LRP5: variants seen among roughly 807,000 people sequenced by gnomAD.
LRP5 encodes LDL receptor related protein 5, also known as low-density lipoprotein receptor-related protein 5.
In LRP5, 62 loss-of-function variants were observed where a neutral mutation model predicts 154.1. That is an observed-to-expected ratio of 0.40 (90% CI 0.33 to 0.50). LRP5 has a LOEUF of 0.50. LRP5 is among the 20% of genes least tolerant of loss of function. LRP5 has a pLI of 0.55. For missense variants in LRP5, 1,915 were observed against 2,336.7 expected, an observed-to-expected ratio of 0.82 and a Z score of 3.72; for synonymous variants, 966 against 1,011.5, an observed-to-expected ratio of 0.96 and a Z score of 0.85.
intron 5 of LRP5, among the ~76,000 whole-genome samples, chr11:68,373,314 G>C (rs624947): frequency 6.6e-6 from 1 of 152,020 alleles, no homozygotes. Context: ...TGGTCACACC[G>C]GGACCCCAAG....
At chr11:68,426,259 G>T in intron 16 of LRP5, 72 bp downstream of exon 16, 1 of 1,347,918 alleles carries the variant, frequency 7.4e-7, no homozygotes, top group Non-Finnish European at 1.0e-6. Context: ...CTGGAGGCCA[G>T]TGCAAGATCC....
At chr11:68,362,537 A>G (rs1565346091) in intron 3 of LRP5, among the ~76,000 whole-genome samples, 1 of 152,126 alleles carries the variant, frequency 6.6e-6, no homozygotes, top group Middle Eastern at 3.4e-3. Flanking sequence ...GATACCCCCC[A>G]AAAATTAGCT....
rs762759902 is a variant in LRP5, at chr11:68,386,320, C to T, written c.1020C>T (p.Ala340=). 31 of 1,611,752 alleles carry T rather than the reference C, an allele frequency of 1.9e-5. No individual in the cohort carries two copies. Among genetic ancestry groups the T allele is most frequent in the South Asian group, 1.3e-4 (12 of 91,082 alleles). Residue 340 remains alanine (A), a synonymous_variant, in exon 6 of 23, where the codon GCC becomes GCT. Coordinates refer to ENST00000294304, the MANE Select transcript of LRP5 (RefSeq NM_002335.4). This position sits in a 1 kb window ranked among gnomAD's most constrained non-coding sequence, Gnocchi z 7.9. ...CCATTGCACCTGTCTCCACAGGAGC[C>T]GAGGAGGTGCTGCTGCTGGCCCGGC... ...QDNGRTCKAG[A]EEVLLLARRT... is the part of the protein sequence containing the mutation.
At chr11:68,349,114 C>A (rs1027908198) in intron 2 of LRP5, among the ~76,000 whole-genome samples, 1 of 149,314 alleles carries the variant, frequency 6.7e-6, no homozygotes, top group South Asian at 2.1e-4. Context: ...CTCACTGCAA[C>A]CTTCGCCTCC....
In LRP5 at chr11:68,312,743, GGCCGCTGCT is replaced by G; in HGVS notation, c.32_40del (p.Pro11_Leu13del). Reference sequence around the variant, plus strand: ...GAGGCAGCGCCGCCCGGGCCGCCGTGGCCGCTGCTGCTGCTGCTGCTGCTGCTGCTGGCG... The same window carrying G: ...GAGGCAGCGCCGCCCGGGCCGCCGTGGCTGCTGCTGCTGCTGCTGCTGGCG... On this transcript the variant is annotated inframe_deletion, in exon 1 of 23. Transcript: ENST00000294304. 1 of 1,060,524 alleles carries G rather than the reference GGCCGCTGCT, an allele frequency of 9.4e-7. No individual in the cohort carries two copies. The highest frequency in any genetic ancestry group is 1.8e-5 in the African/African-American group (1 of 55,700). 65.7% of individuals were successfully genotyped at this position (1,060,524 alleles called of 1,614,324 possible).
chr11:68,436,856 C>A, intron 18 of LRP5, 33 bp from the exon 19 acceptor site: 1 of 1,556,350 alleles, frequency 6.4e-7, no homozygotes, highest in Non-Finnish European at 8.9e-7. Flanking sequence ...GGGCACCCTC[C>A]AGCCTCTCTG....
chr11:68,321,233 C>T (rs1484955123), intron 1 of LRP5, among the ~76,000 whole-genome samples: 2 of 152,216 alleles, frequency 1.3e-5, no homozygotes, highest in Non-Finnish European at 2.9e-5. Flanking sequence ...CTTCACTGTG[C>T]TCCACTGCCT....
At chr11:68,366,710 C>T (rs1183371390) in intron 5 of LRP5, among the ~76,000 whole-genome samples, 3 of 152,232 alleles carry the variant, frequency 2.0e-5, no homozygotes, top group East Asian at 1.9e-4. Flanking sequence ...TCCGCTGTGC[C>T]GGCTGCTGCA....
At chr11:68,373,578 A>G (rs777019104) in intron 5 of LRP5, among the ~76,000 whole-genome samples, 1 of 152,072 alleles carries the variant, frequency 6.6e-6, no homozygotes, top group Non-Finnish European at 1.5e-5. Flanking sequence ...CAGTGGGACC[A>G]TGGCGGCTGC....
At chr11:68,338,867 GTTTTTTTTT>G (rs11382677) in intron 1 of LRP5, among the ~76,000 whole-genome samples, 6 of 91,940 alleles carry the variant, frequency 6.5e-5, no homozygotes, top group African/African-American at 1.9e-4. Flanking sequence ...CTTTTGTTTA[GTTTTTTTTT>G]TTTTTTTTTT....
At chr11:68,415,475 G>A (rs2098662029) in intron 12 of LRP5, among the ~76,000 whole-genome samples, 2 of 152,138 alleles carry the variant, frequency 1.3e-5, no homozygotes, top group Non-Finnish European at 2.9e-5. Context: ...GCTGGACACG[G>A]TGGCTCATGA....
chr11:68,298,654 GC>G, the LRP5 span, among the ~76,000 whole-genome samples: 2 of 152,178 alleles, frequency 1.3e-5, no homozygotes, highest in African/African-American at 4.8e-5. Flanking sequence ...ACAGTAGGAA[GC>G]CAGAAAAGCC....
the LRP5 span, among the ~76,000 whole-genome samples, chr11:68,304,487 C>T: frequency 6.6e-6 from 1 of 152,258 alleles, no homozygotes; most frequent in East Asian, 1.9e-4. Flanking sequence ...TTGGAGGCCC[C>T]ACATAGAGTC....
rs1260641118 is a variant in LRP5, at chr11:68,447,375, G to A, written c.4586+842G>A. Among the ~76,000 whole-genome samples, 2 of 152,188 alleles carry A rather than the reference G, an allele frequency of 1.3e-5. No homozygotes were observed. Among genetic ancestry groups the A allele is most frequent in the Non-Finnish European group, 2.9e-5 (2 of 68,016 alleles). ...GGTCCCTGGAGCAGCAGGGCCTCCC[G>A]AGTGTGGTGCCGCCTGCCACCTAGT... On this transcript the variant is annotated intron_variant, in intron 22 of 22. Transcript: ENST00000294304. This position sits in a 1 kb window ranked among gnomAD's most constrained non-coding sequence, Gnocchi z 4.3.
chr11:68,300,478 G>C, the LRP5 span, among the ~76,000 whole-genome samples: 2 of 149,514 alleles, frequency 1.3e-5, no homozygotes, highest in African/African-American at 4.8e-5. Flanking sequence ...AGTACTGAAG[G>C]CCTCAGACAG....
At chr11:68,350,885 T>A (rs1366202689) in intron 2 of LRP5, among the ~76,000 whole-genome samples, 3 of 151,768 alleles carry the variant, frequency 2.0e-5, no homozygotes, top group Non-Finnish European at 4.4e-5. Context: ...AGTGGGAGGA[T>A]GTGAGCGTGT....
At chr11:68,403,446 C>T (rs2098653771) in intron 7 of LRP5, 37 bp from the exon 8 acceptor site, 1 of 1,593,822 alleles carries the variant, frequency 6.3e-7, no homozygotes, top group African/African-American at 1.3e-5. Context: ...TGGTGTGGCC[C>T]TGGCCCATCC....
chr11:68,379,116 TG>T (rs2098638982), intron 5 of LRP5, among the ~76,000 whole-genome samples: 1 of 152,106 alleles, frequency 6.6e-6, no homozygotes. Flanking sequence ...AAACAATGTG[TG>T]TAATGTTGTG....
chr11:68,398,766 C>T (rs894212665), intron 7 of LRP5, among the ~76,000 whole-genome samples: 1 of 151,932 alleles, frequency 6.6e-6, no homozygotes, highest in Non-Finnish European at 1.5e-5. Flanking sequence ...GACAGGGTCT[C>T]GCTCTGTCAC....
Sources: allele counts gnomAD v4.1 joint callset (sites outside exome capture counted in the v4.1 genomes callset), GRCh38; gene constraint gnomAD v4.1.1; non-coding constraint Gnocchi (gnomAD v3.1); transcripts MANE v1.5; gene names NCBI Gene and HGNC (gene_info 2026-07-23, HGNC 2026-07-21).